JPH2: variants seen among roughly 807,000 people sequenced by gnomAD.
JPH2 encodes the protein junctophilin 2, also known as junctophilin-2.
A neutral mutation model predicts 55.9 loss-of-function variants in JPH2; 38 were observed. The observed-to-expected ratio is 0.68, with a 90% CI of 0.52 to 0.89. The LOEUF is 0.89. Ranked by LOEUF, JPH2 falls within the 40% of genes least tolerant of loss-of-function variation. The probability of loss-of-function intolerance (pLI) is 0.00; values close to 1 mark genes in which losing one functional copy is unlikely to be tolerated. For synonymous variants in JPH2, 480 were observed against 472.4 expected, an observed-to-expected ratio of 1.02 and a Z score of -0.21; for missense variants, 964 against 1,037.6, an observed-to-expected ratio of 0.93 and a Z score of 0.97.
rs2072136549 is a variant in JPH2, at chr20:44,110,802, T to A, written c.*2716A>T. Among the ~76,000 whole-genome samples, 1 of 152,052 alleles carries A rather than the reference T, an allele frequency of 6.6e-6. No homozygotes were observed. The highest frequency in any genetic ancestry group is 2.1e-4 in the South Asian group (1 of 4,820). ...ACTGCATTGCCTATGAGGAAGACCA[T>A]GGGGCAGGGATTAGAGTCTCCTCAG... On this transcript the variant is annotated 3_prime_UTR_variant, in exon 6 of 6. Transcript: ENST00000372980.
chr20:44,155,160 T>C (rs1217443179), intron 2 of JPH2, among the ~76,000 whole-genome samples: 1 of 152,228 alleles, frequency 6.6e-6, no homozygotes, highest in Admixed American at 6.5e-5. Context: ...ATTGTCTTTA[T>C]GCTGGCTGCC....
chr20:44,118,413 A>G, intron 3 of JPH2, 92 bp downstream of exon 3: 1 of 1,004,514 alleles, frequency 1.0e-6, no homozygotes, highest in Non-Finnish European at 1.6e-6. Flanking sequence ...CATCCAGGAA[A>G]CCACTTGGGC....
At chr20:44,151,316 A>T (rs1040990744) in intron 2 of JPH2, among the ~76,000 whole-genome samples, 19 of 152,346 alleles carry the variant, frequency 1.2e-4, no homozygotes, top group Non-Finnish European at 2.8e-4. Flanking sequence ...CAGGGGTTTG[A>T]GACCAGCCTG....
chr20:44,121,937 C>CA (rs2072240587), intron 2 of JPH2, among the ~76,000 whole-genome samples: 1 of 152,120 alleles, frequency 6.6e-6, no homozygotes, highest in South Asian at 2.1e-4. Context: ...ATCGAGGCTG[C>CA]AGTGAGCTAT....
At chr20:44,122,534 A>G (rs1417876752) in intron 2 of JPH2, among the ~76,000 whole-genome samples, 1 of 152,210 alleles carries the variant, frequency 6.6e-6, no homozygotes, top group Non-Finnish European at 1.5e-5. Context: ...TGGACCCTGC[A>G]CTTGGATCCC....
Position 44,113,221 on chromosome 20 carries a change from G to C in JPH2, c.*297C>G, listed in dbSNP as rs915747872. The C allele has an allele frequency of 2.0e-5, 3 of 152,624 alleles. No individual in the cohort carries two copies. The highest frequency in any genetic ancestry group is 7.2e-5 in the African/African-American group (3 of 41,448). The allele number at this position is 152,624 out of a possible 1,614,324, so 9.5% of individuals were successfully genotyped here. A position where few individuals can be genotyped will look rare whatever the true frequency, so the allele number is the denominator to read the frequency against. On this transcript the variant is annotated 3_prime_UTR_variant, in exon 6 of 6. Transcript: ENST00000372980. ...GAAAGGCAAGGGAGTGGAGGAGAGCGGGGGACAGGAGCAGATCAGGAAGCT... is the reference window on the plus strand; with the variant it reads ...GAAAGGCAAGGGAGTGGAGGAGAGCCGGGGACAGGAGCAGATCAGGAAGCT...
rs755094240 is a variant in JPH2, at chr20:44,136,452, TCAA to T, written c.1170-17832_1170-17830del. ...CTGGGACTCATCGCCATCATCATCA[TCAA>T]CATCAACATCACCATTATGAATAGG... On this transcript the variant is annotated intron_variant, in intron 2 of 5. Transcript: ENST00000372980. 7.8e-4 allele frequency among the ~76,000 whole-genome samples: 114 copies of T among 145,816 alleles called. 1 individual carries two copies. The highest frequency in any genetic ancestry group is 7.0e-3 in the Middle Eastern group (2 of 284).
At chr20:44,162,910 C>T (rs2072625925) in intron 1 of JPH2, among the ~76,000 whole-genome samples, 1 of 150,792 alleles carries the variant, frequency 6.6e-6, no homozygotes, top group South Asian at 2.1e-4. Context: ...CATTGCGTGC[C>T]TTTATCAAAA....
At chr20:44,113,854 T>A (rs558474276) in intron 5 of JPH2, among the ~76,000 whole-genome samples, 1 of 152,206 alleles carries the variant, frequency 6.6e-6, no homozygotes, top group Non-Finnish European at 1.5e-5. Flanking sequence ...AGAGCCCCTG[T>A]TGAAACATGG....
chr20:44,132,165 A>G (rs1263185546), intron 2 of JPH2, among the ~76,000 whole-genome samples: 1 of 152,174 alleles, frequency 6.6e-6, no homozygotes, highest in Non-Finnish European at 1.5e-5. Context: ...TTTGTGTATG[A>G]CAAAGAGTGA....
intron 1 of JPH2, chr20:44,177,488 A>G: frequency 1.0e-6 from 1 of 997,512 alleles, no homozygotes; most frequent in Non-Finnish European, 1.2e-6. Flanking sequence ...CGTGGACAGG[A>G]AAGACTAATA....
chr20:44,125,683 G>C (rs1364688897), intron 2 of JPH2, among the ~76,000 whole-genome samples: 3 of 152,218 alleles, frequency 2.0e-5, no homozygotes, highest in African/African-American at 7.2e-5. Context: ...CAGGGGCTCA[G>C]AGCAAAGTCT....
chr20:44,156,302 A>G (rs2072566058), intron 2 of JPH2, among the ~76,000 whole-genome samples: 1 of 152,240 alleles, frequency 6.6e-6, no homozygotes, highest in African/African-American at 2.4e-5. Context: ...GGTAGAGTGT[A>G]TGGAAACTCT....
At chr20:44,151,908 A>T (rs2072533388) in intron 2 of JPH2, among the ~76,000 whole-genome samples, 1 of 152,126 alleles carries the variant, frequency 6.6e-6, no homozygotes, top group Non-Finnish European at 1.5e-5. Flanking sequence ...ACCTGGAACG[A>T]CCTTTCTCTC....
intron 3 of JPH2, among the ~76,000 whole-genome samples, chr20:44,117,345 C>T (rs1410994943): frequency 1.3e-5 from 2 of 152,200 alleles, no homozygotes; most frequent in East Asian, 3.9e-4. Flanking sequence ...GGGTTCCCAC[C>T]ACTCTATCCA....
In JPH2 at chr20:44,109,049, C is replaced by T. The variant is rs1177627064; in HGVS notation, c.*4469G>A. ...CTAATATCCAATAGACAAATGTCCC[C>T]TGCCACATCCCTGTTGACTAGCATC... On this transcript the variant is annotated 3_prime_UTR_variant, in exon 6 of 6. Coordinates refer to ENST00000372980, the MANE Select transcript of JPH2 (RefSeq NM_020433.5). Among the ~76,000 whole-genome samples the T allele has an allele frequency of 6.6e-6, 1 of 152,202 alleles. No homozygotes were observed. Among genetic ancestry groups the T allele is most frequent in the Non-Finnish European group, 1.5e-5 (1 of 68,036 alleles).
intron 1 of JPH2, among the ~76,000 whole-genome samples, chr20:44,167,925 G>A (rs1446507250): frequency 6.6e-6 from 1 of 152,154 alleles, no homozygotes; most frequent in East Asian, 1.9e-4. Context: ...AGAGTCTTGT[G>A]CCAGGGATAG....
chr20:44,135,212 T>A (rs2072401579), intron 2 of JPH2, among the ~76,000 whole-genome samples: 1 of 151,964 alleles, frequency 6.6e-6, no homozygotes, highest in African/African-American at 2.4e-5. Flanking sequence ...AAATTTGGTC[T>A]TAAACCTCTG....
intron 1 of JPH2, among the ~76,000 whole-genome samples, chr20:44,168,643 T>C (rs1017526406): frequency 1.3e-5 from 2 of 152,246 alleles, no homozygotes; most frequent in Admixed American, 6.5e-5. Flanking sequence ...AATGTGGCAG[T>C]TGTTGGCAAT....
Sources: allele counts gnomAD v4.1 joint callset (sites outside exome capture counted in the v4.1 genomes callset), GRCh38; gene constraint gnomAD v4.1.1; transcripts MANE v1.5; gene names NCBI Gene and HGNC (gene_info 2026-07-23, HGNC 2026-07-21).